The following PDE3A variants were observed in gnomAD, a reference collection of about 807,000 sequenced individuals.
PDE3A encodes the protein phosphodiesterase 3A.
Under a neutral mutation model 98.3 loss-of-function variants are expected in PDE3A, and 43 were observed. The ratio of observed to expected loss-of-function variants is 0.44; its 90% CI spans 0.34 to 0.56. PDE3A has a LOEUF of 0.56. Ranked by LOEUF, PDE3A falls within the 20% of genes least tolerant of loss-of-function variation. PDE3A has a pLI of 0.01. For missense variants in PDE3A, 1,427 were observed against 1,440.7 expected, an observed-to-expected ratio of 0.99 and a Z score of 0.15; for synonymous variants, 663 against 567.9, an observed-to-expected ratio of 1.17 and a Z score of -2.38.
chr12:20,526,961 C>T (rs1449218689), intron 1 of PDE3A, among the ~76,000 whole-genome samples: 5 of 150,970 alleles, frequency 3.3e-5, no homozygotes, highest in Non-Finnish European at 7.4e-5. Flanking sequence ...TCTTGTCCCC[C>T]AGGCTGGAGT....
At chr12:20,573,449 G>A (rs1402815156) in intron 2 of PDE3A, among the ~76,000 whole-genome samples, 1 of 151,620 alleles carries the variant, frequency 6.6e-6, no homozygotes, top group Non-Finnish European at 1.5e-5. Flanking sequence ...TACCTATGAA[G>A]AGACAGACTT....
intron 15 of PDE3A, among the ~76,000 whole-genome samples, chr12:20,658,724 C>G (rs1945095953): frequency 6.6e-6 from 1 of 152,164 alleles, no homozygotes. Flanking sequence ...TTCTTCTTTC[C>G]TTCCATCCTT....
In PDE3A at chr12:20,680,132, T is replaced by C; in HGVS notation, c.3287T>C (p.Leu1096Ser). The stretch of plus-strand genomic sequence containing the variant: ...AAAGTCATTGAAGAGGAGCAACGGT[T>C]GGCAGGCATAGAAAATCAATCCCTG... The part of the protein sequence containing the change: ...WKKVIEEEQR[L>S]AGIENQSLDQ... Residue 1096 changes from leucine (L) to serine (S), a missense_variant, in exon 16 of 16, where the codon TTG (leucine) becomes TCG (serine). This residue lies in a region of PDE3A where 142 missense variants were observed against 133.9 expected (regional missense o/e 1.06). Coordinates refer to ENST00000359062, the MANE Select transcript of PDE3A (RefSeq NM_000921.5). 1 of 1,613,812 alleles carries C rather than the reference T, an allele frequency of 6.2e-7. No homozygotes were observed. The highest frequency in any genetic ancestry group is 8.5e-7 in the Non-Finnish European group (1 of 1,179,826).
chr12:20,446,918 C>G (rs1376199584), intron 1 of PDE3A, among the ~76,000 whole-genome samples: 1 of 152,118 alleles, frequency 6.6e-6, no homozygotes, highest in Non-Finnish European at 1.5e-5. Flanking sequence ...GGAGAAAAAA[C>G]AGCAAGCGTA....
chr12:20,595,866 T>A (rs1461943537), intron 2 of PDE3A, among the ~76,000 whole-genome samples: 1 of 152,148 alleles, frequency 6.6e-6, no homozygotes, highest in Non-Finnish European at 1.5e-5. Context: ...CCTACTTTAG[T>A]CCTTATCTCC....
intron 1 of PDE3A, among the ~76,000 whole-genome samples, chr12:20,529,530 G>T (rs76444336): frequency 6.6e-6 from 1 of 152,020 alleles, no homozygotes; most frequent in African/African-American, 2.4e-5. Context: ...AACATGACTG[G>T]TATCATTATA....
At chr12:20,374,644 G>T (rs1943538153) in intron 1 of PDE3A, among the ~76,000 whole-genome samples, 1 of 151,930 alleles carries the variant, frequency 6.6e-6, no homozygotes, top group Admixed American at 6.6e-5. Flanking sequence ...TTGAATAAAG[G>T]CTTTACCAAA....
intron 1 of PDE3A, among the ~76,000 whole-genome samples, chr12:20,554,893 C>T (rs1215658517): frequency 5.3e-5 from 8 of 152,134 alleles, no homozygotes; most frequent in East Asian, 3.8e-4. Context: ...AGCACACATA[C>T]GTATATTTAT....
At chr12:20,521,056 G>A (rs531586119) in intron 1 of PDE3A, among the ~76,000 whole-genome samples, 5 of 152,126 alleles carry the variant, frequency 3.3e-5, no homozygotes, top group African/African-American at 1.2e-4. Context: ...TTTGTTGCAA[G>A]TGCCATTCGT....
chr12:20,551,719 C>G (rs1225397646), intron 1 of PDE3A: 1 of 1,613,674 alleles, frequency 6.2e-7, no homozygotes, highest in Non-Finnish European at 8.5e-7. Flanking sequence ...CCCTGAGTGC[C>G]GGAATGATGC....
chr12:20,436,018 G>A (rs1165427232), intron 1 of PDE3A, among the ~76,000 whole-genome samples: 1 of 152,048 alleles, frequency 6.6e-6, no homozygotes, highest in Admixed American at 6.6e-5. Context: ...CAATTACGTA[G>A]GTAAAGGTGG....
In PDE3A at chr12:20,646,957, C is replaced by A; in HGVS notation, c.2565+7C>A. ...TGCAACTAGTGCTCCTCAGGTAAAT[C>A]TTTAGATTTTGGTTAGGAGAACTAA... On this transcript the variant is annotated splice_region_variant and intron_variant, in intron 12 of 15. Transcript: ENST00000359062. The A allele has an allele frequency of 6.2e-7, 1 of 1,602,290 alleles. No individual in the cohort carries two copies. Among genetic ancestry groups the A allele is most frequent in the East Asian group, 2.2e-5 (1 of 44,810 alleles).
At chr12:20,590,383 G>A (rs912973115) in intron 2 of PDE3A, among the ~76,000 whole-genome samples, 2 of 147,686 alleles carry the variant, frequency 1.4e-5, no homozygotes, top group Non-Finnish European at 3.0e-5. Context: ...GTATGTATGA[G>A]CAAGTTCCAG....
intron 1 of PDE3A, among the ~76,000 whole-genome samples, chr12:20,373,169 T>A (rs995991827): frequency 1.3e-5 from 2 of 152,194 alleles, no homozygotes; most frequent in Middle Eastern, 3.4e-3. Context: ...TAAAGTTTGT[T>A]TAGCTTTTAG....
chr12:20,560,854 C>T (rs1309250178), intron 2 of PDE3A, among the ~76,000 whole-genome samples: 1 of 151,750 alleles, frequency 6.6e-6, no homozygotes, highest in Admixed American at 6.6e-5. Flanking sequence ...TCGCCGGAAA[C>T]CCACCCCCAC....
intron 1 of PDE3A, among the ~76,000 whole-genome samples, chr12:20,399,564 A>G (rs1944082339): frequency 1.3e-5 from 2 of 152,208 alleles, no homozygotes; most frequent in African/African-American, 4.8e-5. Context: ...TTGTCTTTAC[A>G]TACAGGATTC....
At chr12:20,575,095 A>G (rs1398511241) in intron 2 of PDE3A, among the ~76,000 whole-genome samples, 1 of 152,042 alleles carries the variant, frequency 6.6e-6, no homozygotes, top group African/African-American at 2.4e-5. Context: ...CTGTTTTTCA[A>G]GTAATTTATG....
At chr12:20,515,077 A>C (rs1342349498) in intron 1 of PDE3A, among the ~76,000 whole-genome samples, 1 of 152,224 alleles carries the variant, frequency 6.6e-6, no homozygotes, top group African/African-American at 2.4e-5. Context: ...TAATGGTATC[A>C]ATCCCAGCCA....
At chr12:20,385,983 T>TAATATATATAAAATATACATATA (rs1943753153) in intron 1 of PDE3A, among the ~76,000 whole-genome samples, 1 of 69,900 alleles carries the variant, frequency 1.4e-5, no homozygotes, top group Non-Finnish European at 2.8e-5. Context: ...TATTAATATA[T>TAATATATATAAAATATACATATA]AATATATATA....
Sources: gnomAD v4.1 joint callset for allele counts (sites outside exome capture counted in the v4.1 genomes callset) on GRCh38, gnomAD v4.1.1 for gene constraint, gnomAD v4.1.1 regional missense constraint, MANE v1.5 for transcripts, NCBI Gene and HGNC (gene_info 2026-07-23, HGNC 2026-07-21) for gene names.